Variants in APPL1 observed in about 807,000 individuals in gnomAD.
The protein encoded by APPL1 is DCC-interacting protein 13-alpha.
Under a neutral mutation model 106.8 loss-of-function variants are expected in APPL1, and 42 were observed. The ratio of observed to expected loss-of-function variants is 0.39; its 90% confidence interval spans 0.31 to 0.51. The LOEUF (loss-of-function observed/expected upper bound fraction) is 0.51, where lower values mean the gene tolerates loss of function less well. Ranked by LOEUF, APPL1 falls within the 20% of genes least tolerant of loss-of-function variation. The pLI is 0.75. For missense variants in APPL1, 769 were observed against 858.2 expected, an observed-to-expected ratio of 0.90 and a Z score of 1.30; for synonymous variants, 263 against 281.8, an observed-to-expected ratio of 0.93 and a Z score of 0.67.
chr3:57,234,166 G>T (rs997847031), intron 1 of APPL1, among the ~76,000 whole-genome samples: 10 of 152,148 alleles, frequency 6.6e-5, no homozygotes, highest in African/African-American at 2.4e-4. Flanking sequence ...TAGATTTTAA[G>T]CTGCAGTTAT....
At chr3:57,260,571 G>A (rs1409531382) in intron 18 of APPL1, 57 bp from the exon 19 acceptor site, 8 of 1,499,094 alleles carry the variant, frequency 5.3e-6, no homozygotes, top group South Asian at 1.4e-5. Flanking sequence ...TTTGTCACAA[G>A]TGCTGCTGTA....
rs1327162765 is a variant in APPL1, at chr3:57,249,311, G to A, written c.864-49G>A. On this transcript the variant is annotated intron_variant, in intron 10 of 21. Transcript: ENST00000288266. ...TTATCTTGTGTCTAGCTGATGATGA[G>A]ATTTCAGGTATGTTGTTATTAAAGA... 3.1e-6 allele frequency: 5 copies of A among 1,598,270 alleles called. No homozygotes were observed. The Admixed American group carries it at 5.0e-5, about 16-fold the overall frequency.
chr3:57,262,410 T>TTTTTTTTTTTTTTTTTTTTTA (rs869046266), intron 19 of APPL1, among the ~76,000 whole-genome samples: 3 of 140,070 alleles, frequency 2.1e-5, no homozygotes, highest in Non-Finnish European at 3.1e-5. Context: ...TTTTTTTTTT[T>TTTTTTTTTTTTTTTTTTTTTA]GAGACAGACT....
chr3:57,236,688 A>G (rs2060718376), intron 2 of APPL1, among the ~76,000 whole-genome samples: 1 of 152,204 alleles, frequency 6.6e-6, no homozygotes, highest in South Asian at 2.1e-4. Flanking sequence ...AGTTAAAAGA[A>G]GGCACTAAAA....
intron 2 of APPL1, among the ~76,000 whole-genome samples, chr3:57,236,396 TCAG>T (rs2060717014): frequency 6.6e-6 from 1 of 150,572 alleles, no homozygotes; most frequent in Non-Finnish European, 1.5e-5. Context: ...TGGTGCAATC[TCAG>T]CTCACTGCAC....
At position 57,271,045 on chromosome 3, in the gene APPL1, G is replaced by A. The variant is rs2060934804; in HGVS notation, c.*1358G>A. ...TATATATATACAAAGTTAATATAGT[G>A]GGTAAAATACTTTACATAGTCACAC... is the stretch of plus-strand genomic sequence containing the variant. On this transcript the variant is annotated 3_prime_UTR_variant, in exon 22 of 22. Transcript: ENST00000288266. 1 of 151,872 alleles carries A rather than the reference G, an allele frequency of 6.6e-6. No individual in the cohort carries two copies. The allele number at this position is 151,872 out of a possible 1,614,324, so 9.4% of individuals were successfully genotyped here.
At chr3:57,255,181 C>T (rs1423614167) in intron 13 of APPL1, among the ~76,000 whole-genome samples, 1 of 152,140 alleles carries the variant, frequency 6.6e-6, no homozygotes, top group Non-Finnish European at 1.5e-5. Context: ...CAAGTAGGTA[C>T]TGCAGTATAG....
At position 57,259,943 on chromosome 3, in the gene APPL1, A is replaced by C; in HGVS notation, c.1582A>C (p.Ile528Leu). 2.5e-6 allele frequency: 4 copies of C among 1,614,016 alleles called. No homozygotes were observed. Among genetic ancestry groups the C allele is most frequent in the Non-Finnish European group, 3.4e-6 (4 of 1,179,988 alleles). ...TGTTGTTTATGAAACTATGCGCCAA[A>C]TCTTAGCTGCCCGGGCCATCCATAA... The part of the protein sequence containing the change: ...PDVVYETMRQ[I>L]LAARAIHNIF... Residue 528 changes from isoleucine (I) to leucine (L), a missense_variant, in exon 17 of 22, where the codon ATC becomes CTC. Transcript: ENST00000288266.
chr3:57,257,103 T>A, intron 14 of APPL1, 52 bp downstream of exon 14: 2 of 1,583,454 alleles, frequency 1.3e-6, no homozygotes, highest in Non-Finnish European at 1.7e-6. Context: ...ATTTAAAGTA[T>A]CTGTGATCTG....
chr3:57,230,779 G>A, intron 1 of APPL1: 2 of 406,412 alleles, frequency 4.9e-6, no homozygotes, highest in Non-Finnish European at 1.0e-5. Flanking sequence ...TAAGTTTTTT[G>A]TTTTTTTTTT....
intron 11 of APPL1, among the ~76,000 whole-genome samples, 185 bp from the exon 12 acceptor site, chr3:57,252,084 A>C (rs1487975393): frequency 1.3e-5 from 2 of 152,138 alleles, no homozygotes; most frequent in African/African-American, 4.8e-5. Context: ...AGAGCTGTTA[A>C]AGTCTGCATC....
chr3:57,234,188 A>G (rs892969133), intron 1 of APPL1, among the ~76,000 whole-genome samples: 1 of 151,444 alleles, frequency 6.6e-6, no homozygotes, highest in Admixed American at 6.6e-5. Context: ...TCCAGTAGTT[A>G]TTGGTATTTT....
intron 16 of APPL1, 165 bp from the exon 17 acceptor site, chr3:57,259,680 A>C (rs894402282): frequency 1.1e-5 from 6 of 556,210 alleles, no homozygotes; most frequent in African/African-American, 7.9e-5. Context: ...TACTGTAGTT[A>C]GGAGTTATTT....
rs754569385 is a variant in APPL1, at chr3:57,238,071, A to G, written c.240A>G (p.Glu80=). 5 of 1,611,684 alleles carry G rather than the reference A, an allele frequency of 3.1e-6. No individual in the cohort carries two copies. The highest frequency in any genetic ancestry group is 4.2e-6 in the Non-Finnish European group (5 of 1,179,152). Residue 80 remains glutamate, a synonymous_variant, in exon 4 of 22, where the codon GAA becomes GAG. Coordinates refer to ENST00000288266, the MANE Select transcript of APPL1 (RefSeq NM_012096.3). ...KQRFPLGGDD[E]VMSSTLQQFS... is the part of the protein sequence containing the mutation. ...GTTTTCCATTGGGAGGTGATGATGAAGTTATGAGCTCTACATTGCAACAGT... is the reference window on the plus strand; with the variant it reads ...GTTTTCCATTGGGAGGTGATGATGAGGTTATGAGCTCTACATTGCAACAGT...
intron 1 of APPL1, among the ~76,000 whole-genome samples, chr3:57,233,689 A>G (rs577976292): frequency 2.6e-5 from 4 of 152,292 alleles, no homozygotes; most frequent in South Asian, 2.1e-4. Flanking sequence ...ACTTACTGGC[A>G]TCATGATTTT....
chr3:57,267,712 C>T (rs1452825870), intron 19 of APPL1, 30 bp from the exon 20 acceptor site: 3 of 1,609,024 alleles, frequency 1.9e-6, no homozygotes, highest in Non-Finnish European at 2.6e-6. Context: ...TGAGAACTGC[C>T]TGAATTTTTC....
chr3:57,231,356 A>AG (rs2060686105), intron 1 of APPL1, among the ~76,000 whole-genome samples: 2 of 150,234 alleles, frequency 1.3e-5, no homozygotes, highest in African/African-American at 4.9e-5. Context: ...AAAAAAAAAA[A>AG]AAAGAAAATT....
chr3:57,245,284 G>T (rs374534132), intron 7 of APPL1, among the ~76,000 whole-genome samples: 8 of 152,130 alleles, frequency 5.3e-5, no homozygotes, highest in Non-Finnish European at 8.8e-5. Flanking sequence ...AATATTTGTT[G>T]TCTGAATAAA....
Position 57,238,046 on chromosome 3 carries a change from G to C in APPL1, c.215G>C (p.Arg72Pro). ...CCTCATCTGTTTCTTGCTTTTCAGC[G>C]TTTTCCATTGGGAGGTGATGATGAA... The part of the protein sequence containing the change: ...SKLLKEYEKQ[R>P]FPLGGDDEVM... Residue 72 changes from arginine (R) to proline (P), a missense_variant and splice_region_variant, in exon 4 of 22, where the codon CGT (arginine) becomes CCT (proline). Physicochemically the swap from Arg to Pro is moderately radical, Grantham distance 103 (BLOSUM62 -2). Transcript: ENST00000288266. 6.2e-7 allele frequency: 1 copy of C among 1,607,226 alleles called. No homozygotes were observed. The highest frequency in any genetic ancestry group is 8.5e-7 in the Non-Finnish European group (1 of 1,177,248).
Sources: allele counts gnomAD v4.1 joint callset (sites outside exome capture counted in the v4.1 genomes callset), GRCh38; gene constraint gnomAD v4.1.1; transcripts MANE v1.5; gene names NCBI Gene and HGNC (gene_info 2026-07-23, HGNC 2026-07-21).